LARGE1: variants seen among roughly 807,000 people sequenced by gnomAD.
The protein encoded by LARGE1 is xylosyl- and glucuronyltransferase LARGE1.
In LARGE1, 43 loss-of-function variants were observed where a neutral mutation model predicts 87.6. The ratio of observed to expected loss-of-function variants is 0.49; its 90% CI spans 0.38 to 0.63. The LOEUF (loss-of-function observed/expected upper bound fraction) is 0.63. Ranked by LOEUF, LARGE1 falls within the 30% of genes least tolerant of loss-of-function variation. The pLI is 0.00. For synonymous variants in LARGE1, 434 were observed against 394.6 expected, an observed-to-expected ratio of 1.10 and a Z score of -1.18; for missense variants, 802 against 1,000.2, an observed-to-expected ratio of 0.80 and a Z score of 2.67.
chr22:33,337,528 G>A lies in LARGE1; in HGVS notation c.1287+118C>T, dbSNP rs945592341. The A allele has an allele frequency of 2.0e-5, 24 of 1,195,950 alleles. No homozygotes were observed. The Middle Eastern group carries it at 1.3e-3, about 64-fold the overall frequency. 74.1% of individuals were successfully genotyped at this position (1,195,950 alleles called of 1,614,324 possible). ...TAGATGGTGGACCCTGGGCACCGATGGCGTTGTGTTCACCTAGGTCCTGCC... is the reference window on the plus strand; with the variant it reads ...TAGATGGTGGACCCTGGGCACCGATAGCGTTGTGTTCACCTAGGTCCTGCC... On this transcript the variant is annotated intron_variant, in intron 10 of 14. Transcript: ENST00000397394.
At chr22:33,690,395 G>C (rs949570682) in intron 2 of LARGE1, among the ~76,000 whole-genome samples, 1 of 152,084 alleles carries the variant, frequency 6.6e-6, no homozygotes, top group Non-Finnish European at 1.5e-5. Flanking sequence ...CTATGTGAAC[G>C]TAACGGCTAT....
chr22:33,910,346 A>G (rs2065595830), intron 1 of LARGE1, among the ~76,000 whole-genome samples: 1 of 152,194 alleles, frequency 6.6e-6, no homozygotes, highest in South Asian at 2.1e-4. Flanking sequence ...GAATTAAAGT[A>G]TGTAGATACT....
intron 11 of LARGE1, among the ~76,000 whole-genome samples, chr22:33,199,833 C>T (rs545738791): frequency 1.1e-4 from 16 of 143,532 alleles, no homozygotes; most frequent in Admixed American, 3.6e-4. Context: ...GTGCCTGGTA[C>T]GTGCAGACAC....
chr22:33,524,286 C>T (rs61192275), intron 6 of LARGE1, among the ~76,000 whole-genome samples: 75,978 of 146,698 alleles, frequency 0.52, 19,977 homozygotes, highest in Admixed American at 0.6. Context: ...GTGAGACTCC[C>T]CTCAAAAAAA....
chr22:33,605,529 T>C (rs1470205017), intron 4 of LARGE1, among the ~76,000 whole-genome samples: 1 of 152,182 alleles, frequency 6.6e-6, no homozygotes, highest in African/African-American at 2.4e-5. Context: ...GGCTGCTGTG[T>C]TGATTAAATA....
rs1240769066 is a variant in LARGE1, at chr22:33,209,916, T to C, written c.1731-43084A>G. Reference sequence around the variant, plus strand: ...CTCCCACTTCAGCTTCCCAAAGCAATGGTATTACAGGCATGAGCCACCACG... The same window carrying C: ...CTCCCACTTCAGCTTCCCAAAGCAACGGTATTACAGGCATGAGCCACCACG... On this transcript the variant is annotated intron_variant, in intron 11 of 11. Transcript: ENST00000608642. 3.3e-5 allele frequency among the ~76,000 whole-genome samples: 5 copies of C among 152,296 alleles called. No homozygotes were observed. The East Asian group carries it at 5.8e-4, about 18-fold the overall frequency.
At chr22:33,257,814 C>T (rs1927397763) in intron 11 of LARGE1, among the ~76,000 whole-genome samples, 1 of 152,214 alleles carries the variant, frequency 6.6e-6, no homozygotes, top group South Asian at 2.1e-4. Context: ...GGACCTACTA[C>T]ATGTTAGGAA....
At chr22:33,836,617 T>C (rs17808887) in intron 1 of LARGE1, among the ~76,000 whole-genome samples, 4,671 of 152,174 alleles carry the variant, frequency 0.031, 90 homozygotes, top group Non-Finnish European at 0.044. Context: ...TCAGCTGCAT[T>C]CCATGGCTTC....
At chr22:33,099,475 C>A in the LARGE1 span, among the ~76,000 whole-genome samples, 1 of 152,156 alleles carries the variant, frequency 6.6e-6, no homozygotes, top group Non-Finnish European at 1.5e-5. Flanking sequence ...TGGTCTCAAA[C>A]TCCTGACCTC....
At chr22:33,277,577 T>G (rs781663882) in intron 13 of LARGE1, among the ~76,000 whole-genome samples, 9 of 152,052 alleles carry the variant, frequency 5.9e-5, no homozygotes, top group Non-Finnish European at 8.8e-5. Context: ...GTATAGACAT[T>G]GGGAGAGATT....
At chr22:33,295,076 C>G (rs1363970044) in intron 12 of LARGE1, among the ~76,000 whole-genome samples, 1 of 152,178 alleles carries the variant, frequency 6.6e-6, no homozygotes, top group Admixed American at 6.5e-5. Context: ...CGAGACAGGG[C>G]ACTTATAAAC....
At chr22:33,254,559 A>G (rs1217313042) in intron 11 of LARGE1, among the ~76,000 whole-genome samples, 22 of 152,236 alleles carry the variant, frequency 1.4e-4, no homozygotes, top group Non-Finnish European at 1.5e-5. Context: ...TATAGACTCC[A>G]GAGCCAGAAT....
chr22:33,728,580 C>CAAA (rs2083353150), intron 2 of LARGE1, among the ~76,000 whole-genome samples: 1 of 81,944 alleles, frequency 1.2e-5, no homozygotes, highest in Non-Finnish European at 2.7e-5. Flanking sequence ...AAAAAAAAAA[C>CAAA]CAACAACAGA....
At chr22:33,475,836 C>T (rs2069055168) in intron 6 of LARGE1, among the ~76,000 whole-genome samples, 1 of 152,088 alleles carries the variant, frequency 6.6e-6, no homozygotes, top group Admixed American at 6.5e-5. Context: ...TCTTTTTAAC[C>T]ATGTCTGCTG....
intron 1 of LARGE1, among the ~76,000 whole-genome samples, chr22:33,913,047 G>C (rs1183653846): frequency 6.6e-6 from 1 of 151,650 alleles, no homozygotes; most frequent in Non-Finnish European, 1.5e-5. Flanking sequence ...GGCCAGGCTG[G>C]TCTCGAACTC....
chr22:33,770,443 G>A (rs1369902392), intron 1 of LARGE1, among the ~76,000 whole-genome samples: 1 of 152,150 alleles, frequency 6.6e-6, no homozygotes, highest in African/African-American at 2.4e-5. Flanking sequence ...ACATTTGGGA[G>A]GGCAAAGGGG....
At chr22:33,683,085 T>C (rs1485270347) in intron 2 of LARGE1, among the ~76,000 whole-genome samples, 2 of 152,258 alleles carry the variant, frequency 1.3e-5, no homozygotes, top group Admixed American at 1.3e-4. Context: ...AGATATACGA[T>C]GCAATCTGTC....
At chr22:33,410,787 T>C (rs2066281792) in intron 7 of LARGE1, among the ~76,000 whole-genome samples, 1 of 152,142 alleles carries the variant, frequency 6.6e-6, no homozygotes, top group Admixed American at 6.5e-5. Context: ...CTCTGACATT[T>C]ACTGGCTCTG....
At chr22:33,839,266 G>A (rs2063200132) in intron 1 of LARGE1, among the ~76,000 whole-genome samples, 1 of 152,160 alleles carries the variant, frequency 6.6e-6, no homozygotes, top group Non-Finnish European at 1.5e-5. Context: ...AAGAAAGAGG[G>A]AGGAGGTCTC....
Sources: allele counts gnomAD v4.1 joint callset (sites outside exome capture counted in the v4.1 genomes callset), GRCh38; gene constraint gnomAD v4.1.1; transcripts MANE v1.5; gene names NCBI Gene and HGNC (gene_info 2026-07-23, HGNC 2026-07-21).